PCLO: variants seen among roughly 807,000 people sequenced by gnomAD.
PCLO encodes the protein piccolo presynaptic cytomatrix protein, also known as protein piccolo.
A neutral mutation model predicts 427.5 loss-of-function variants in PCLO; 82 were observed. The observed-to-expected ratio is 0.19, with a 90% CI of 0.16 to 0.23. PCLO has a LOEUF of 0.23. PCLO is among the 10% of genes least tolerant of loss of function. The pLI, the probability that PCLO is intolerant of heterozygous loss-of-function variation, is 1.00. For synonymous variants in PCLO, 2,357 were observed against 2,155.4 expected (o/e 1.09, Z -2.59); for missense variants, 6,239 against 6,115.9 (o/e 1.02, Z -0.67).
chr7:83,081,514 C>G (rs1359109581), intron 3 of PCLO, among the ~76,000 whole-genome samples: 1 of 151,792 alleles, frequency 6.6e-6, no homozygotes, highest in African/African-American at 2.4e-5. Flanking sequence ...GAAAAAATAT[C>G]TGAAAAATTT....
At position 83,035,946 on chromosome 7, in the gene PCLO, A is replaced by G. The variant is rs546920044; in HGVS notation, c.3301-69459T>C. On this transcript the variant is annotated intron_variant, in intron 3 of 24. Coordinates refer to ENST00000333891, the MANE Select transcript of PCLO (RefSeq NM_033026.6). The stretch of plus-strand genomic sequence containing the variant: ...CAAGCACTCTAGCTTGCTGAAGGCT[A>G]TAAGGCTCTATCTGAATCCAAAATA... 2.6e-5 allele frequency among the ~76,000 whole-genome samples: 4 copies of G among 152,180 alleles called. No homozygotes were observed. The South Asian group carries it at 6.2e-4, about 24-fold the overall frequency.
chr7:82,953,964 C>A lies in PCLO; in HGVS notation c.6989G>T (p.Arg2330Leu). The change falls in exon 5 of 25, where the codon CGA (arginine) becomes CTA (leucine). Residue 2330 changes from arginine (R) to leucine (L), a missense_variant. Around this residue, in one of 5 missense-constraint regions of PCLO, gnomAD observed 4,677 missense variants for 4,468.4 expected, o/e 1.05. Coordinates refer to ENST00000333891, the MANE Select transcript of PCLO (RefSeq NM_033026.6). ...YRDKKELEAE[R>L]TKSSLSETVF... ...GGTTTCGGATAAGCTACTTTTTGTT[C>A]GTTCGGCCTCCAACTCCTTTTTATC... 1 of 1,613,698 alleles carries A rather than the reference C, an allele frequency of 6.2e-7. No individual in the cohort carries two copies.
At chr7:82,778,974 C>T (rs1235263238) in intron 22 of PCLO, among the ~76,000 whole-genome samples, 1 of 151,996 alleles carries the variant, frequency 6.6e-6, no homozygotes, top group Non-Finnish European at 1.5e-5. Context: ...CAAAATTCAA[C>T]AGCAAACTTT....
At chr7:82,988,197 T>A (rs1562901120) in intron 3 of PCLO, among the ~76,000 whole-genome samples, 2 of 151,950 alleles carry the variant, frequency 1.3e-5, no homozygotes, top group East Asian at 1.9e-4. Context: ...CTTTCTTTTT[T>A]AAAAAAAATT....
chr7:82,796,332 G>T (rs1791222970), intron 22 of PCLO, among the ~76,000 whole-genome samples: 2 of 152,066 alleles, frequency 1.3e-5, no homozygotes, highest in South Asian at 4.2e-4. Flanking sequence ...AAGGTGATAA[G>T]GTCCAGGGAA....
At chr7:82,833,641 T>C (rs970914250) in intron 16 of PCLO, among the ~76,000 whole-genome samples, 1 of 152,282 alleles carries the variant, frequency 6.6e-6, no homozygotes, top group Admixed American at 6.5e-5. Context: ...TAATTTTCTA[T>C]ATAGTATTTT....
intron 6 of PCLO, among the ~76,000 whole-genome samples, chr7:82,943,871 C>G (rs1188187262): frequency 6.6e-6 from 1 of 151,784 alleles, no homozygotes; most frequent in African/African-American, 2.4e-5. Context: ...AAAATTGTAA[C>G]ACTGGGCTGG....
chr7:82,786,512 C>T lies in PCLO; in HGVS notation c.15007+15006G>A, dbSNP rs188737590. Among the ~76,000 whole-genome samples, 349 of 152,196 alleles carry T rather than the reference C, an allele frequency of 2.3e-3. 3 individuals carry two copies. Among genetic ancestry groups the T allele is most frequent in the African/African-American group, 8.0e-3 (334 of 41,520 alleles). ...CATATCTCCATATTATCATGTTTGCCATTACAACAATTCAACCTAGATTGA... is the reference window on the plus strand; with the variant it reads ...CATATCTCCATATTATCATGTTTGCTATTACAACAATTCAACCTAGATTGA... On this transcript the variant is annotated intron_variant, in intron 22 of 24. Transcript: ENST00000333891.
intron 10 of PCLO, among the ~76,000 whole-genome samples, chr7:82,854,866 A>G (rs554152861): frequency 2.6e-5 from 4 of 152,286 alleles, no homozygotes; most frequent in Non-Finnish European, 5.9e-5. Flanking sequence ...AATTAAAATT[A>G]GCAAAGTGTG....
At chr7:82,860,665 T>G (rs906809520) in intron 10 of PCLO, among the ~76,000 whole-genome samples, 18 of 152,052 alleles carry the variant, frequency 1.2e-4, no homozygotes, top group African/African-American at 3.6e-4. Context: ...ACACATATTA[T>G]TATAACGCTG....
intron 3 of PCLO, among the ~76,000 whole-genome samples, chr7:83,101,236 A>C (rs1180471117): frequency 6.6e-6 from 1 of 151,930 alleles, no homozygotes; most frequent in Non-Finnish European, 1.5e-5. Context: ...CATGAAAGAC[A>C]ATCATGATAG....
At position 82,953,681 on chromosome 7, in the gene PCLO, G is replaced by T; in HGVS notation, c.7272C>A (p.Pro2424=). 4 of 1,291,746 alleles carry T rather than the reference G, an allele frequency of 3.1e-6. No homozygotes were observed. Among genetic ancestry groups the T allele is most frequent in the Non-Finnish European group, 4.3e-6 (4 of 937,588 alleles). 80.0% of individuals were successfully genotyped at this position (1,291,746 alleles called of 1,614,324 possible). ...GTGAAGTTGGTGGAGGAAGTGGTGG[G>T]GGAGGAGGGGGTGGTGGTGGAGGAG... ...PPPPPPPPPP[P]PPLPPPTSPK... is the part of the protein sequence containing the mutation. Residue 2424 remains proline (P), a synonymous_variant, in exon 5 of 25, where the codon CCC becomes CCA. Transcript: ENST00000333891.
chr7:83,068,957 T>C (rs1037962482), intron 3 of PCLO, among the ~76,000 whole-genome samples: 6 of 152,142 alleles, frequency 3.9e-5, no homozygotes, highest in African/African-American at 1.4e-4. Flanking sequence ...CATTATTCAG[T>C]GCAAAGAAAG....
chr7:83,012,392 C>A (rs899367475), intron 3 of PCLO, among the ~76,000 whole-genome samples: 1 of 151,712 alleles, frequency 6.6e-6, no homozygotes, highest in African/African-American at 2.4e-5. Context: ...CCGAGGTGGG[C>A]GGATCACCTG....
intron 8 of PCLO, among the ~76,000 whole-genome samples, chr7:82,907,060 T>G (rs1286441347): frequency 6.6e-6 from 1 of 151,986 alleles, no homozygotes; most frequent in African/African-American, 2.4e-5. Context: ...TTAGTAACAT[T>G]AAATTAGAAA....
chr7:82,862,587 A>AAAG (rs1554343276), intron 10 of PCLO, among the ~76,000 whole-genome samples: 2 of 147,040 alleles, frequency 1.4e-5, no homozygotes, highest in African/African-American at 5.0e-5. Flanking sequence ...AAAAAAAAAA[A>AAAG]GAATTGGAAG....
chr7:83,133,954 C>A (rs987379605), intron 3 of PCLO, among the ~76,000 whole-genome samples: 4 of 151,278 alleles, frequency 2.6e-5, no homozygotes, highest in African/African-American at 9.7e-5. Context: ...TTATTTTTTT[C>A]TTTATTTCAT....
intron 3 of PCLO, among the ~76,000 whole-genome samples, chr7:83,111,438 G>C (rs903491424): frequency 6.6e-6 from 1 of 152,178 alleles, no homozygotes; most frequent in Non-Finnish European, 1.5e-5. Context: ...TCAAAGGACC[G>C]GAGGAGCCCT....
chr7:83,117,903 G>A (rs1177527097), intron 3 of PCLO, among the ~76,000 whole-genome samples: 1 of 152,064 alleles, frequency 6.6e-6, no homozygotes, highest in African/African-American at 2.4e-5. Context: ...AGGTTTACAT[G>A]GATATTTAAT....
Sources: gnomAD v4.1 joint callset for allele counts (sites outside exome capture counted in the v4.1 genomes callset) on GRCh38, gnomAD v4.1.1 for gene constraint, gnomAD v4.1.1 regional missense constraint, MANE v1.5 for transcripts, NCBI Gene and HGNC (gene_info 2026-07-23, HGNC 2026-07-21) for gene names.